Variants in GRIP2 observed in about 807,000 individuals in gnomAD.
The protein encoded by GRIP2 is glutamate receptor interacting protein 2, also known as glutamate receptor-interacting protein 2.
Under a neutral mutation model 108.3 loss-of-function variants are expected in GRIP2, and 58 were observed. That is an observed-to-expected ratio of 0.54 (90% CI 0.43 to 0.67). The LOEUF is 0.67. GRIP2 is among the 30% of genes least tolerant of loss of function. The pLI is 0.00. For synonymous variants in GRIP2, 586 were observed against 598.2 expected (o/e 0.98, Z 0.30); for missense variants, 1,278 against 1,430.6 (o/e 0.89, Z 1.72).
chr3:14,542,219 A>G, upstream of GRIP2: 1 of 428,984 alleles, frequency 2.3e-6, no homozygotes. Context: ...GCAGTGGCGC[A>G]GTCTCCACTC....
chr3:14,524,083 A>G (rs1694486106), intron 4 of GRIP2: 1 of 513,278 alleles, frequency 1.9e-6, no homozygotes, highest in African/African-American at 1.9e-5. Flanking sequence ...AGGGCAGTGG[A>G]GTGTGGGCGT....
chr3:14,572,552 C>T, the GRIP2 span, among the ~76,000 whole-genome samples: 662 of 127,148 alleles, frequency 5.2e-3, 7 homozygotes, highest in African/African-American at 0.019. Context: ...GCGGAGCTTG[C>T]AGTGAGCCGA....
chr3:14,514,153 C>T (rs1363298775), intron 12 of GRIP2, 139 bp downstream of exon 12: 20 of 852,366 alleles, frequency 2.3e-5, no homozygotes, highest in Non-Finnish European at 3.4e-5. Context: ...GCCTCGGTTT[C>T]CTCATCTGTA....
At chr3:14,573,022 A>G in the GRIP2 span, 1 of 1,424,242 alleles carries the variant, frequency 7.0e-7, no homozygotes, top group Non-Finnish European at 9.9e-7. Flanking sequence ...CAGCATTTCC[A>G]GTACAGATGG....
At chr3:14,560,117 G>C (rs1695297060), upstream of GRIP2, among the ~76,000 whole-genome samples, 1 of 151,960 alleles carries the variant, frequency 6.6e-6, no homozygotes. Flanking sequence ...AGCCTGGCAT[G>C]GTGGTGCATG....
upstream of GRIP2, among the ~76,000 whole-genome samples, chr3:14,543,943 C>A (rs1695019214): frequency 1.3e-5 from 2 of 152,226 alleles, no homozygotes; most frequent in Non-Finnish European, 2.9e-5. Context: ...AAAACACCTA[C>A]CCTCTAGGGT....
At chr3:14,573,745 G>A in the GRIP2 span, 4 of 1,479,364 alleles carry the variant, frequency 2.7e-6, no homozygotes, top group South Asian at 3.4e-5. Context: ...TCCCAAGAGG[G>A]CTCATCATAT....
intron 23 of GRIP2, 49 bp downstream of exon 23, chr3:14,494,794 G>A (rs1574984664): frequency 6.3e-7 from 1 of 1,577,134 alleles, no homozygotes; most frequent in African/African-American, 1.3e-5. Flanking sequence ...CCACCCTCAG[G>A]CTAGGAAACA....
chr3:14,578,581 G>A, the GRIP2 span, among the ~76,000 whole-genome samples: 1 of 152,088 alleles, frequency 6.6e-6, no homozygotes, highest in Non-Finnish European at 1.5e-5. Context: ...GCCAGGCATG[G>A]TGGCAGGGAC....
At chr3:14,510,864 CCACCAGCTG>C (rs1228242336) in intron 16 of GRIP2, among the ~76,000 whole-genome samples, 7 of 152,342 alleles carry the variant, frequency 4.6e-5, no homozygotes, top group South Asian at 4.1e-4. Context: ...ACTCATCTCT[CCACCAGCTG>C]CACCAGCTGC....
chr3:14,587,775 C>G, the GRIP2 span, among the ~76,000 whole-genome samples: 1 of 152,238 alleles, frequency 6.6e-6, no homozygotes, highest in Non-Finnish European at 1.5e-5. Context: ...AGGGTTGTGC[C>G]TGTGCCCAGC....
At chr3:14,545,183 C>A (rs1036001067), upstream of GRIP2, among the ~76,000 whole-genome samples, 9 of 152,250 alleles carry the variant, frequency 5.9e-5, no homozygotes, top group Non-Finnish European at 8.8e-5. Context: ...GGAGCAGAGA[C>A]TCCACGCACC....
rs780946796 is a variant in GRIP2 at position 14,509,917 on chromosome 3, G to T, written c.1981C>A (p.Arg661Ser). Residue 661 changes from arginine (R) to serine (S), a missense_variant, in exon 17 of 24, where the codon CGC (arginine) becomes AGC (serine). Arg to Ser is a moderately radical substitution (Grantham distance 110, BLOSUM62 -1). Transcript: ENST00000621039. ...GTGATGCCCAGGGGACCCCCGTAGCGCTTCAGCTCCACTGTGTAACTGACG... is the reference window on the plus strand; with the variant it reads ...GTGATGCCCAGGGGACCCCCGTAGCTCTTCAGCTCCACTGTGTAACTGACG... ...GAVSYTVELK[R>S]YGGPLGITIS... 2 of 1,551,334 alleles carry T rather than the reference G, an allele frequency of 1.3e-6. No individual in the cohort carries two copies. Among genetic ancestry groups the T allele is most frequent in the Non-Finnish European group, 1.7e-6 (2 of 1,147,798 alleles).
intron 1 of GRIP2, among the ~76,000 whole-genome samples, chr3:14,529,968 A>G (rs1176819253): frequency 1.3e-5 from 2 of 152,152 alleles, no homozygotes; most frequent in Non-Finnish European, 2.9e-5. Flanking sequence ...TATTTACAAC[A>G]CTCATTAGAA....
chr3:14,541,983 G>C, upstream of GRIP2: 1 of 1,352,254 alleles, frequency 7.4e-7, no homozygotes, highest in Non-Finnish European at 9.9e-7. Context: ...CTTCAACCAC[G>C]CGGGAAGGAA....
chr3:14,579,089 A>G, the GRIP2 span, among the ~76,000 whole-genome samples: 2 of 152,196 alleles, frequency 1.3e-5, no homozygotes, highest in African/African-American at 4.8e-5. Flanking sequence ...AAGTGGATGG[A>G]TGAACGCTCT....
chr3:14,513,039 A>G (rs1420750135), intron 13 of GRIP2, among the ~76,000 whole-genome samples, 182 bp from the exon 14 acceptor site: 1 of 152,180 alleles, frequency 6.6e-6, no homozygotes, highest in African/African-American at 2.4e-5. Flanking sequence ...AGATTTGCTC[A>G]AAACAACTGA....
intron 1 of GRIP2, among the ~76,000 whole-genome samples, chr3:14,538,677 TG>T: frequency 6.6e-6 from 1 of 152,042 alleles, no homozygotes; most frequent in African/African-American, 2.4e-5. Context: ...GAGGCTACAG[TG>T]GTGAGGGTAG....
chr3:14,510,580 G>A (rs6779108), intron 16 of GRIP2, among the ~76,000 whole-genome samples: 9,760 of 151,120 alleles, frequency 0.065, 995 homozygotes, highest in African/African-American at 0.22. Context: ...TTTCTTAAAA[G>A]AAAAGAAAAG....
Sources: allele counts gnomAD v4.1 joint callset (sites outside exome capture counted in the v4.1 genomes callset), GRCh38; gene constraint gnomAD v4.1.1; transcripts MANE v1.5; gene names NCBI Gene and HGNC (gene_info 2026-07-23, HGNC 2026-07-21).